HS6ST3: variants seen among roughly 807,000 people sequenced by gnomAD.
The protein encoded by HS6ST3 is heparan-sulfate 6-O-sulfotransferase 3.
HS6ST3 carries 12 observed loss-of-function variants against 36.7 expected under a neutral mutation model. That is an observed-to-expected ratio of 0.33 (90% CI 0.21 to 0.53). The LOEUF (loss-of-function observed/expected upper bound fraction) is 0.53. HS6ST3 is among the 20% of genes least tolerant of loss of function. The probability of loss-of-function intolerance (pLI) is 0.95; values close to 1 mark genes in which losing one functional copy is unlikely to be tolerated. For synonymous variants in HS6ST3, 240 were observed against 257.5 expected (o/e 0.93, Z 0.65); for missense variants, 584 against 640.9 (o/e 0.91, Z 0.96).
At chr13:96,380,812 T>C (rs946624471) in intron 1 of HS6ST3, among the ~76,000 whole-genome samples, 2 of 152,234 alleles carry the variant, frequency 1.3e-5, no homozygotes, top group Non-Finnish European at 2.9e-5. Flanking sequence ...CCAAAACATT[T>C]ATTGAACGAC....
chr13:96,309,185 T>G (rs934630283), intron 1 of HS6ST3, among the ~76,000 whole-genome samples: 13 of 152,098 alleles, frequency 8.5e-5, no homozygotes, highest in African/African-American at 2.4e-4. Flanking sequence ...CACCTTCTGG[T>G]TTTTATTATT....
chr13:96,508,610 T>A (rs2056036237), intron 1 of HS6ST3, among the ~76,000 whole-genome samples: 1 of 152,148 alleles, frequency 6.6e-6, no homozygotes, highest in Non-Finnish European at 1.5e-5. Flanking sequence ...CTCTCACTTA[T>A]AAGTGAAAAC....
At chr13:96,428,710 C>A (rs959791333) in intron 1 of HS6ST3, among the ~76,000 whole-genome samples, 1 of 152,166 alleles carries the variant, frequency 6.6e-6, no homozygotes, top group African/African-American at 2.4e-5. Context: ...TCAGCCCATT[C>A]CAGGTGCTTA....
At chr13:96,169,436 G>A (rs945132976) in intron 1 of HS6ST3, 5 of 151,814 alleles carry the variant, frequency 3.3e-5, no homozygotes, top group African/African-American at 4.8e-5. Context: ...GAATCACAGA[G>A]CGGAAAGGAT....
chr13:96,490,294 C>T (rs1333566624), intron 1 of HS6ST3, among the ~76,000 whole-genome samples: 1 of 152,050 alleles, frequency 6.6e-6, no homozygotes, highest in Non-Finnish European at 1.5e-5. Flanking sequence ...GGGCATCTGA[C>T]ATGTGTTTTT....
At chr13:96,385,055 T>C (rs1268529375) in intron 1 of HS6ST3, among the ~76,000 whole-genome samples, 1 of 151,786 alleles carries the variant, frequency 6.6e-6, no homozygotes, top group Non-Finnish European at 1.5e-5. Flanking sequence ...GGCACATGCC[T>C]GTAATCCCAG....
At chr13:96,695,859 G>T (rs769532358) in intron 1 of HS6ST3, among the ~76,000 whole-genome samples, 10 of 151,986 alleles carry the variant, frequency 6.6e-5, no homozygotes, top group Non-Finnish European at 1.2e-4. Flanking sequence ...TGAAAATTTG[G>T]GGAAAAATAT....
At chr13:96,367,502 G>A (rs1246979988) in intron 1 of HS6ST3, among the ~76,000 whole-genome samples, 2 of 152,060 alleles carry the variant, frequency 1.3e-5, no homozygotes, top group Non-Finnish European at 2.9e-5. Context: ...TATGACACTG[G>A]TACACTCTTA....
intron 1 of HS6ST3, among the ~76,000 whole-genome samples, chr13:96,723,074 C>T (rs1875892450): frequency 6.6e-6 from 1 of 151,750 alleles, no homozygotes; most frequent in African/African-American, 2.4e-5. Flanking sequence ...AGAGATTGCT[C>T]ATTGTATACC....
intron 1 of HS6ST3, among the ~76,000 whole-genome samples, chr13:96,239,152 T>A (rs1313630965): frequency 6.6e-6 from 1 of 152,180 alleles, no homozygotes; most frequent in East Asian, 1.9e-4. Flanking sequence ...ATGCAATGAC[T>A]CAGAATGGAA....
chr13:96,463,940 A>G (rs549847777), intron 1 of HS6ST3, among the ~76,000 whole-genome samples: 41 of 151,662 alleles, frequency 2.7e-4, no homozygotes, highest in Non-Finnish European at 4.6e-4. Flanking sequence ...TGGAGAACCC[A>G]CATTCACTTT....
rs2053757542 is a variant in HS6ST3 at position 96,090,815 on chromosome 13, T to A, written c.-48T>A. ...CTTCCGAGCGGGCGCCCGTCCGCCC[T>A]GCCGCCGCCGCCGCCGCCGCTTCGC... is the stretch of plus-strand genomic sequence containing the variant. On this transcript the variant is annotated 5_prime_UTR_variant, in exon 1 of 2. Coordinates refer to ENST00000376705, the MANE Select transcript of HS6ST3 (RefSeq NM_153456.4). 2.8e-6 allele frequency: 4 copies of A among 1,431,380 alleles called. No homozygotes were observed. The African/African-American group carries it at 4.5e-5, about 16-fold the overall frequency. The allele number at this position is 1,431,380 out of a possible 1,614,324, so 88.7% of individuals were successfully genotyped here. A position where few individuals can be genotyped will look rare whatever the true frequency, so the allele number is the denominator to read the frequency against.
intron 1 of HS6ST3, among the ~76,000 whole-genome samples, chr13:96,617,666 G>A (rs2056479376): frequency 6.6e-6 from 1 of 152,218 alleles, no homozygotes; most frequent in Admixed American, 6.5e-5. Context: ...CAGGATGCTA[G>A]AATTAACTCA....
chr13:96,758,559 A>T (rs989153109), intron 1 of HS6ST3, among the ~76,000 whole-genome samples: 1 of 151,668 alleles, frequency 6.6e-6, no homozygotes, highest in Non-Finnish European at 1.5e-5. Flanking sequence ...TTATCCCACA[A>T]ATTTTGATGT....
At chr13:96,693,892 C>G (rs990032052) in intron 1 of HS6ST3, among the ~76,000 whole-genome samples, 3 of 152,166 alleles carry the variant, frequency 2.0e-5, no homozygotes. Flanking sequence ...ATATTTGCTG[C>G]TGTTCTTAGC....
In HS6ST3 at chr13:96,799,705, G is replaced by A. The variant is rs899787441; in HGVS notation, c.708-32785G>A. On this transcript the variant is annotated intron_variant, in intron 1 of 1. Coordinates refer to ENST00000376705, the MANE Select transcript of HS6ST3 (RefSeq NM_153456.4). ...TAGATGATGAGTTAGTGGGTGCAGC[G>A]CACCAGCATGGCACATGTATACATA... Among the ~76,000 whole-genome samples, 8 of 150,474 alleles carry A rather than the reference G, an allele frequency of 5.3e-5. No individual in the cohort carries two copies. The East Asian group carries it at 5.9e-4, about 11-fold the overall frequency.
At chr13:96,574,374 GA>G in intron 1 of HS6ST3, 6 of 456,612 alleles carry the variant, frequency 1.3e-5, no homozygotes, top group South Asian at 4.0e-5. Flanking sequence ...AGTGAATTTG[GA>G]AAAATGGTCA....
chr13:96,558,733 T>A (rs2056250555), intron 1 of HS6ST3, among the ~76,000 whole-genome samples: 2 of 152,224 alleles, frequency 1.3e-5, no homozygotes, highest in African/African-American at 4.8e-5. Context: ...ATTTTAAGAA[T>A]GATAATTGTA....
intron 1 of HS6ST3, among the ~76,000 whole-genome samples, chr13:96,253,043 G>A (rs1388161462): frequency 1.3e-5 from 2 of 152,140 alleles, no homozygotes; most frequent in Admixed American, 1.3e-4. Flanking sequence ...TGTGAATCGT[G>A]CTCAGAGACA....
Sources: allele counts gnomAD v4.1 joint callset (sites outside exome capture counted in the v4.1 genomes callset), GRCh38; gene constraint gnomAD v4.1.1; transcripts MANE v1.5; gene names NCBI Gene and HGNC (gene_info 2026-07-23, HGNC 2026-07-21).